The following ANKRD55 variants were observed in gnomAD, a reference collection of about 807,000 sequenced individuals.
The protein encoded by ANKRD55 is ankyrin repeat domain-containing protein 55.
Under a neutral mutation model 60.6 loss-of-function variants are expected in ANKRD55, and 41 were observed. The ratio of observed to expected loss-of-function variants is 0.68; its 90% CI spans 0.53 to 0.88. ANKRD55 has a LOEUF of 0.88. Among genes scored for constraint, ANKRD55 ranks in the 40% least tolerant of loss-of-function variants. The pLI, the probability that ANKRD55 is intolerant of heterozygous loss-of-function variation, is 0.00. For missense variants in ANKRD55, 732 were observed against 767.6 expected, an observed-to-expected ratio of 0.95 and a Z score of 0.55; for synonymous variants, 264 against 290.3, an observed-to-expected ratio of 0.91 and a Z score of 0.92.
At position 56,130,035 on chromosome 5, in the gene ANKRD55, C is replaced by T. The variant is rs538607575; in HGVS notation, c.613-2929G>A. 7.6e-4 allele frequency among the ~76,000 whole-genome samples: 116 copies of T among 152,262 alleles called. 1 individual carries two copies. The highest frequency in any genetic ancestry group is 2.7e-3 in the African/African-American group (113 of 41,550). On this transcript the variant is annotated intron_variant, in intron 7 of 11. Transcript: ENST00000341048. ...TAGAGAAAGAAACGTGCCTAATATC[C>T]CTGGCTTAGAATCTGGACTGCCTTC...
At chr5:56,205,974 G>GTTTTTTT (rs367698877) in intron 2 of ANKRD55, among the ~76,000 whole-genome samples, 1 of 134,960 alleles carries the variant, frequency 7.4e-6, no homozygotes, top group African/African-American at 2.8e-5. Context: ...TTTCTTTCTT[G>GTTTTTTT]TTTTTTTTTT....
rs371575793 is a variant in ANKRD55, at chr5:56,223,583, A to G, written c.58+9273T>C. ...CAAATTGGATAAAGAGTCAAGACCC[A>G]TCAGTGTGCTGTATTCAGGAGACCC... is the stretch of plus-strand genomic sequence containing the variant. On this transcript the variant is annotated intron_variant, in intron 2 of 11. Coordinates refer to ENST00000341048, the MANE Select transcript of ANKRD55 (RefSeq NM_024669.3). Among the ~76,000 whole-genome samples, 142 of 152,364 alleles carry G rather than the reference A, an allele frequency of 9.3e-4. 3 individuals carry two copies. The Middle Eastern group carries it at 0.027, about 29-fold the overall frequency.
chr5:56,179,087 T>C (rs1206740096), intron 3 of ANKRD55, among the ~76,000 whole-genome samples: 2 of 152,092 alleles, frequency 1.3e-5, no homozygotes, highest in African/African-American at 4.8e-5. Context: ...CAAAGAGATA[T>C]AATCAAAGAT....
At chr5:56,209,378 C>A (rs1260786550) in intron 2 of ANKRD55, among the ~76,000 whole-genome samples, 1 of 152,082 alleles carries the variant, frequency 6.6e-6, no homozygotes, top group African/African-American at 2.4e-5. Context: ...ATTATTTTCT[C>A]ATTACTGGGC....
intron 2 of ANKRD55, among the ~76,000 whole-genome samples, chr5:56,227,143 G>C (rs1412356269): frequency 6.6e-6 from 1 of 152,078 alleles, no homozygotes; most frequent in Non-Finnish European, 1.5e-5. Context: ...ATACACCATG[G>C]AATACTATGC....
At chr5:56,166,134 CTTTCTTTCTTTCTTT>C (rs1758460132) in intron 5 of ANKRD55, among the ~76,000 whole-genome samples, 4 of 99,512 alleles carry the variant, frequency 4.0e-5, no homozygotes, top group African/African-American at 1.7e-4. Flanking sequence ...TTCTTTCTTT[CTTTCTTTCTTTCTTT>C]CTTTCTTCTT....
intron 2 of ANKRD55, among the ~76,000 whole-genome samples, chr5:56,220,654 A>C (rs1581030811): frequency 6.6e-6 from 1 of 152,138 alleles, no homozygotes; most frequent in East Asian, 1.9e-4. Flanking sequence ...TCTCTACAAA[A>C]ATACGAAAAT....
chr5:56,135,231 C>T (rs889536158), intron 7 of ANKRD55, among the ~76,000 whole-genome samples: 1 of 40,582 alleles, frequency 2.5e-5, no homozygotes, highest in African/African-American at 6.7e-5. Flanking sequence ...TCCTTCCTTC[C>T]TTCCTTCCTT....
Position 56,183,578 on chromosome 5 carries a change from C to T in ANKRD55, c.115G>A (p.Asp39Asn), listed in dbSNP as rs201139565. Residue 39 changes from aspartate to asparagine, a missense_variant, in exon 3 of 12, where the codon GAT (aspartate) becomes AAT (asparagine). By Grantham distance (23) the Asp-to-Asn change is conservative. Transcript: ENST00000341048. Reference protein sequence around the residue: ...TMVYQAASNGDVNALTAVIRE... With the variant: ...TMVYQAASNGNVNALTAVIRE... ...ATCACTGCAGTCAGAGCATTGACAT[C>T]TCCATTAGAGGCTGCTTGATAAACC... is the stretch of plus-strand genomic sequence containing the variant. The T allele has an allele frequency of 6.2e-7, 1 of 1,614,096 alleles. No homozygotes were observed. Among genetic ancestry groups the T allele is most frequent in the African/African-American group, 1.3e-5 (1 of 74,936 alleles).
intron 7 of ANKRD55, among the ~76,000 whole-genome samples, chr5:56,130,763 G>A (rs1313592477): frequency 3.3e-5 from 5 of 152,214 alleles, no homozygotes; most frequent in African/African-American, 4.8e-5. Flanking sequence ...ACAGATGGGC[G>A]ATGTAAGCAG....
At chr5:56,209,139 T>C (rs978823888) in intron 2 of ANKRD55, among the ~76,000 whole-genome samples, 16 of 152,108 alleles carry the variant, frequency 1.1e-4, no homozygotes, top group African/African-American at 3.9e-4. Flanking sequence ...GTATTTTTAG[T>C]GGAGACAGGG....
chr5:56,182,087 T>C (rs748804722), intron 3 of ANKRD55, among the ~76,000 whole-genome samples: 3 of 152,192 alleles, frequency 2.0e-5, no homozygotes, highest in Non-Finnish European at 4.4e-5. Flanking sequence ...AGAGATTATG[T>C]GGAATCGATG....
Position 56,111,058 on chromosome 5 carries a change from T to C in ANKRD55, c.1630+60A>G. ...GTCACTCCAGTTCCTAGCTTAAAAC[T>C]GTACGGGACATTTCCAGTATAGAGC... On this transcript the variant is annotated intron_variant, in intron 10 of 11. Coordinates refer to ENST00000341048, the MANE Select transcript of ANKRD55 (RefSeq NM_024669.3). The C allele has an allele frequency of 1.9e-6, 3 of 1,547,016 alleles. No individual in the cohort carries two copies. The South Asian group carries it at 3.7e-5, about 19-fold the overall frequency.
chr5:56,227,793 G>A (rs1760156777), intron 2 of ANKRD55, among the ~76,000 whole-genome samples: 1 of 152,112 alleles, frequency 6.6e-6, no homozygotes, highest in Non-Finnish European at 1.5e-5. Context: ...ATAAAAGGGG[G>A]TCATATGTGA....
rs1463094061 is a variant in ANKRD55 at position 56,202,602 on chromosome 5, A to C, written c.59-18968T>G. Among the ~76,000 whole-genome samples the C allele has an allele frequency of 3.9e-5, 6 of 152,242 alleles. No individual in the cohort carries two copies. The East Asian group carries it at 1.2e-3, about 29-fold the overall frequency. On this transcript the variant is annotated intron_variant, in intron 2 of 11. Transcript: ENST00000341048. ...GGAAAAATAGCTCCGAACTTTCCAC[A>C]TGTACCAGTTGAGGGAACAAACATG...
At chr5:56,202,102 C>T (rs574634980) in intron 2 of ANKRD55, among the ~76,000 whole-genome samples, 3 of 152,284 alleles carry the variant, frequency 2.0e-5, no homozygotes, top group South Asian at 2.1e-4. Context: ...GATGAGAACA[C>T]ATGGACACAT....
chr5:56,218,446 G>A (rs990024622), intron 2 of ANKRD55, among the ~76,000 whole-genome samples: 3 of 152,020 alleles, frequency 2.0e-5, no homozygotes, highest in Admixed American at 6.6e-5. Flanking sequence ...CAGATCAGTC[G>A]GCAGCCATCA....
rs1203824078 is a variant in ANKRD55, at chr5:56,166,153, TCTTCTTTC to T, written c.422+4533_422+4540del. Among the ~76,000 whole-genome samples the T allele has an allele frequency of 2.4e-4, 12 of 49,504 alleles. 1 individual carries two copies. Among genetic ancestry groups the T allele is most frequent in the Non-Finnish European group, 4.1e-4 (10 of 24,216 alleles). 32.5% of individuals were successfully genotyped at this position (49,504 alleles called of 152,430 possible). ...TTCTTTCTTTCTTTCTTTCTTTCTT[TCTTCTTTC>T]CTTCCTTCCTTCCTTCCTTCCTTCC... is the stretch of plus-strand genomic sequence containing the variant. On this transcript the variant is annotated intron_variant, in intron 5 of 11. Transcript: ENST00000341048.
chr5:56,184,317 C>T (rs1457123717), intron 2 of ANKRD55, among the ~76,000 whole-genome samples: 1 of 152,222 alleles, frequency 6.6e-6, no homozygotes, highest in African/African-American at 2.4e-5. Context: ...GAGTCAGTCT[C>T]TCTGGGTTCC....
Sources: gnomAD v4.1 joint callset for allele counts (sites outside exome capture counted in the v4.1 genomes callset) on GRCh38, gnomAD v4.1.1 for gene constraint, MANE v1.5 for transcripts, NCBI Gene and HGNC (gene_info 2026-07-23, HGNC 2026-07-21) for gene names.